ZRANB3: variants seen among roughly 807,000 people sequenced by gnomAD.
ZRANB3 encodes DNA annealing helicase and endonuclease ZRANB3.
In ZRANB3, 125 loss-of-function variants were observed where a neutral mutation model predicts 133.8. That is an observed-to-expected ratio of 0.93 (90% CI 0.81 to 1.08). The LOEUF (loss-of-function observed/expected upper bound fraction) is 1.08. Ranked by LOEUF, ZRANB3 falls within the 50% of genes least tolerant of loss-of-function variation. The probability of loss-of-function intolerance (pLI) is 0.00; values close to 1 mark genes in which losing one functional copy is unlikely to be tolerated. For missense variants in ZRANB3, 1,229 were observed against 1,275.5 expected (o/e 0.96, Z 0.56); for synonymous variants, 387 against 432.7 (o/e 0.89, Z 1.31).
intron 2 of ZRANB3, among the ~76,000 whole-genome samples, chr2:135,433,478 G>A (rs1035072554): frequency 8.5e-5 from 13 of 152,302 alleles, no homozygotes; most frequent in East Asian, 1.9e-4. Context: ...CTCCTTCCAG[G>A]AAGAACCCAA....
At chr2:135,276,832 A>C (rs1352958085) in intron 8 of ZRANB3, among the ~76,000 whole-genome samples, 2 of 152,244 alleles carry the variant, frequency 1.3e-5, no homozygotes, top group Non-Finnish European at 2.9e-5. Context: ...TTTACGTTGC[A>C]GTCACCTAAA....
At chr2:135,227,480 T>G (rs1198040995) in intron 14 of ZRANB3, among the ~76,000 whole-genome samples, 1 of 152,380 alleles carries the variant, frequency 6.6e-6, no homozygotes, top group East Asian at 1.9e-4. Flanking sequence ...TCAGTCTTAC[T>G]GTTTTGTCCC....
chr2:135,372,296 A>T (rs1441921428), intron 3 of ZRANB3, among the ~76,000 whole-genome samples: 2 of 152,106 alleles, frequency 1.3e-5, no homozygotes, highest in African/African-American at 4.8e-5. Context: ...TGGCGCCTTG[A>T]TCTTAGACTT....
chr2:135,474,215 C>T (rs1691402467), intron 2 of ZRANB3, among the ~76,000 whole-genome samples: 1 of 151,828 alleles, frequency 6.6e-6, no homozygotes, highest in Non-Finnish European at 1.5e-5. Flanking sequence ...TGACAAAAAA[C>T]CAAAAGACTA....
intron 3 of ZRANB3, among the ~76,000 whole-genome samples, chr2:135,379,096 T>A (rs532926465): frequency 6.6e-6 from 1 of 152,274 alleles, no homozygotes; most frequent in Admixed American, 6.5e-5. Flanking sequence ...ATCTAAGATA[T>A]CAATAATAGG....
At position 135,382,669 on chromosome 2, in the gene ZRANB3, G is replaced by T. The variant is rs529975405; in HGVS notation, c.180+8133C>A. Reference sequence around the variant, plus strand: ...GGCAGAAACTCTACAAGCCAGAAGAGACTGGGGGCCAATATTCAACATTCC... The same window carrying T: ...GGCAGAAACTCTACAAGCCAGAAGATACTGGGGGCCAATATTCAACATTCC... On this transcript the variant is annotated intron_variant, in intron 3 of 20. Coordinates refer to ENST00000264159, the MANE Select transcript of ZRANB3 (RefSeq NM_032143.4). Among the ~76,000 whole-genome samples, 8 of 152,260 alleles carry T rather than the reference G, an allele frequency of 5.3e-5. No homozygotes were observed. The South Asian group carries it at 1.2e-3, about 24-fold the overall frequency.
chr2:135,316,612 T>G (rs1164583511), intron 6 of ZRANB3, among the ~76,000 whole-genome samples: 1 of 152,212 alleles, frequency 6.6e-6, no homozygotes, highest in Admixed American at 6.5e-5. Flanking sequence ...AATGTGGAAC[T>G]CGTTAACATT....
intron 3 of ZRANB3, among the ~76,000 whole-genome samples, chr2:135,360,238 C>T (rs770501466): frequency 9.9e-5 from 15 of 151,480 alleles, no homozygotes; most frequent in East Asian, 1.9e-4. Flanking sequence ...AAAATTAGCC[C>T]GGCATAGTGG....
intron 6 of ZRANB3, among the ~76,000 whole-genome samples, chr2:135,331,466 T>C (rs2104847581): frequency 6.6e-6 from 1 of 152,294 alleles, no homozygotes; most frequent in African/African-American, 2.4e-5. Context: ...TGAGGAGTGC[T>C]TTACTTCCAA....
intron 2 of ZRANB3, among the ~76,000 whole-genome samples, chr2:135,457,237 A>T (rs1690560681): frequency 1.3e-5 from 2 of 152,208 alleles, no homozygotes; most frequent in Admixed American, 1.3e-4. Context: ...TACTTTTAGG[A>T]TAACATGAAA....
intron 9 of ZRANB3, 136 bp from the exon 10 acceptor site, chr2:135,272,023 T>C: frequency 2.0e-6 from 2 of 985,056 alleles, no homozygotes; most frequent in East Asian, 3.0e-5. Flanking sequence ...GTAAATGTTA[T>C]ACAAGAAGAA....
chr2:135,299,493 T>C (rs892580262), intron 8 of ZRANB3, among the ~76,000 whole-genome samples: 1 of 152,182 alleles, frequency 6.6e-6, no homozygotes, highest in African/African-American at 2.4e-5. Context: ...CCCCAGGTTT[T>C]TGTCCAGGAA....
intron 8 of ZRANB3, among the ~76,000 whole-genome samples, chr2:135,292,011 T>G (rs1246331756): frequency 2.0e-5 from 3 of 152,244 alleles, no homozygotes; most frequent in African/African-American, 4.8e-5. Flanking sequence ...GACATTTGGG[T>G]TGGTTCCAAG....
At chr2:135,530,911 C>A (rs1165803232) in intron 1 of ZRANB3, among the ~76,000 whole-genome samples, 1 of 152,160 alleles carries the variant, frequency 6.6e-6, no homozygotes, top group Non-Finnish European at 1.5e-5. Flanking sequence ...TGTTGGGAAT[C>A]GTAGTCCGCT....
At chr2:135,356,132 G>A (rs960784982) in intron 3 of ZRANB3, among the ~76,000 whole-genome samples, 7 of 151,868 alleles carry the variant, frequency 4.6e-5, no homozygotes, top group South Asian at 2.1e-4. Context: ...AATAGGATAC[G>A]TAGAATTGGG....
intron 2 of ZRANB3, among the ~76,000 whole-genome samples, chr2:135,430,175 CAAA>C (rs879715125): frequency 1.4e-5 from 2 of 140,088 alleles, no homozygotes; most frequent in Non-Finnish European, 3.1e-5. Flanking sequence ...GACTCTGTCT[CAAA>C]AAAAAACAAA....
At chr2:135,300,883 G>A (rs1030794364) in intron 8 of ZRANB3, among the ~76,000 whole-genome samples, 5 of 152,208 alleles carry the variant, frequency 3.3e-5, no homozygotes, top group Middle Eastern at 6.8e-3. Context: ...TCTGATTATT[G>A]TACTCCAATC....
rs192350459 is a variant in ZRANB3, at chr2:135,312,892, T to C, written c.966+597A>G. ...AAAATTTGCCAGGCATGGAGGCACG[T>C]GCCTGGAATCCCAGCTACTTGGGAG... On this transcript the variant is annotated intron_variant, in intron 8 of 20. Coordinates refer to ENST00000264159, the MANE Select transcript of ZRANB3 (RefSeq NM_032143.4). Among the ~76,000 whole-genome samples, 35 of 151,738 alleles carry C rather than the reference T, an allele frequency of 2.3e-4. No homozygotes were observed. The East Asian group carries it at 3.5e-3, about 15-fold the overall frequency.
chr2:135,218,988 T>C (rs1694426396), intron 16 of ZRANB3, 89 bp downstream of exon 16: 3 of 1,002,020 alleles, frequency 3.0e-6, no homozygotes, highest in East Asian at 6.1e-5. Flanking sequence ...AAAGTGCTTT[T>C]TTAAAATTAA....
Sources: gnomAD v4.1 joint callset for allele counts (sites outside exome capture counted in the v4.1 genomes callset) on GRCh38, gnomAD v4.1.1 for gene constraint, MANE v1.5 for transcripts, NCBI Gene and HGNC (gene_info 2026-07-23, HGNC 2026-07-21) for gene names.